The following TBC1D5 variants were observed in gnomAD, a reference collection of about 807,000 sequenced individuals.
TBC1D5 encodes the protein TBC1 domain family member 5.
A neutral mutation model predicts 100.3 loss-of-function variants in TBC1D5; 75 were observed. That is an observed-to-expected ratio of 0.75 (90% CI 0.62 to 0.91). The LOEUF (loss-of-function observed/expected upper bound fraction) is 0.91, where lower values mean the gene tolerates loss of function less well. Ranked by LOEUF, TBC1D5 falls within the 40% of genes least tolerant of loss-of-function variation. The pLI, the probability that TBC1D5 is intolerant of heterozygous loss-of-function variation, is 0.00. For synonymous variants in TBC1D5, 323 were observed against 325.6 expected (o/e 0.99, Z 0.09); for missense variants, 910 against 942.4 (o/e 0.97, Z 0.45).
chr3:17,467,662 G>T (rs1282634848), intron 3 of TBC1D5, among the ~76,000 whole-genome samples: 4 of 151,950 alleles, frequency 2.6e-5, no homozygotes, highest in African/African-American at 9.7e-5. Context: ...ATCACATGAG[G>T]CCAGGAGTTT....
chr3:17,721,084 G>T lies in TBC1D5; in HGVS notation c.-101+18259C>A, dbSNP rs547519693. Among the ~76,000 whole-genome samples, 4 of 151,622 alleles carry T rather than the reference G, an allele frequency of 2.6e-5. No individual in the cohort carries two copies. The East Asian group carries it at 5.8e-4, about 22-fold the overall frequency. ...TTGAATTCCTGACCTCAACTGATCC[G>T]CCTGCCTCAGCCTCCCAAAGTGCTG... On this transcript the variant is annotated intron_variant, in intron 1 of 21. Coordinates refer to ENST00000253692, the Ensembl canonical transcript of TBC1D5.
intron 15 of TBC1D5, among the ~76,000 whole-genome samples, chr3:17,284,409 G>T (rs147270789): frequency 6.6e-6 from 1 of 152,054 alleles, no homozygotes; most frequent in African/African-American, 2.4e-5. Context: ...GAGCCACCAC[G>T]CCTGGCCATA....
chr3:17,593,397 G>A (rs996660238), intron 2 of TBC1D5, among the ~76,000 whole-genome samples: 4 of 152,120 alleles, frequency 2.6e-5, no homozygotes, highest in Non-Finnish European at 4.4e-5. Context: ...ACCTGGCTAC[G>A]GCCACTGCTG....
At chr3:17,590,353 G>A (rs1418764034) in intron 2 of TBC1D5, among the ~76,000 whole-genome samples, 1 of 152,168 alleles carries the variant, frequency 6.6e-6, no homozygotes, top group Non-Finnish European at 1.5e-5. Context: ...GTTAAAACAG[G>A]TTCTAGTGGT....
At chr3:17,460,102 A>G (rs1251136877) in intron 3 of TBC1D5, among the ~76,000 whole-genome samples, 1 of 152,222 alleles carries the variant, frequency 6.6e-6, no homozygotes, top group African/African-American at 2.4e-5. Flanking sequence ...AGGTACTTCA[A>G]GCCAATTCTG....
At chr3:17,372,345 A>G in intron 12 of TBC1D5, 98 bp from the exon 13 acceptor site, 1 of 1,135,616 alleles carries the variant, frequency 8.8e-7, no homozygotes, top group Non-Finnish European at 1.2e-6. Flanking sequence ...AAGAAGTCTT[A>G]TTATCTGCCT....
chr3:17,178,745 T>C (rs1269250309), intron 19 of TBC1D5, among the ~76,000 whole-genome samples: 1 of 152,086 alleles, frequency 6.6e-6, no homozygotes, highest in Non-Finnish European at 1.5e-5. Flanking sequence ...GCACAAGTGA[T>C]CCTCCCAGCT....
intron 2 of TBC1D5, among the ~76,000 whole-genome samples, chr3:17,557,143 CTATT>C (rs144358374): frequency 0.011 from 1,651 of 152,268 alleles, 13 homozygotes; most frequent in Non-Finnish European, 0.019. Context: ...TCAATTCTGA[CTATT>C]TGTTGGTAAA....
chr3:17,563,821 T>G (rs190280299), intron 2 of TBC1D5, among the ~76,000 whole-genome samples: 2 of 152,320 alleles, frequency 1.3e-5, no homozygotes, highest in Non-Finnish European at 2.9e-5. Flanking sequence ...CTCCCTCTGT[T>G]GCCCAGGCTG....
At chr3:17,195,061 T>C (rs2070467543) in intron 18 of TBC1D5, among the ~76,000 whole-genome samples, 1 of 152,246 alleles carries the variant, frequency 6.6e-6, no homozygotes, top group Admixed American at 6.5e-5. Flanking sequence ...GCAAAAGTCC[T>C]ATAACTGCAG....
chr3:17,273,192 C>T (rs2079606012), intron 15 of TBC1D5, among the ~76,000 whole-genome samples: 1 of 152,112 alleles, frequency 6.6e-6, no homozygotes, highest in African/African-American at 2.4e-5. Context: ...CTAGAATTAT[C>T]TACCCTCAGG....
intron 13 of TBC1D5, among the ~76,000 whole-genome samples, chr3:17,345,157 T>C (rs1163535558): frequency 5.9e-5 from 9 of 151,650 alleles, no homozygotes; most frequent in Non-Finnish European, 7.4e-5. Context: ...AGAAAATTTT[T>C]GCAACCTACT....
intron 2 of TBC1D5, among the ~76,000 whole-genome samples, chr3:17,522,314 T>G (rs1264913429): frequency 6.6e-6 from 1 of 152,002 alleles, no homozygotes; most frequent in Non-Finnish European, 1.5e-5. Context: ...AGGTTGCCCA[T>G]GTAAGAAAAC....
At chr3:17,721,096 C>T (rs1489472807) in intron 1 of TBC1D5, among the ~76,000 whole-genome samples, 1 of 151,998 alleles carries the variant, frequency 6.6e-6, no homozygotes, top group African/African-American at 2.4e-5. Context: ...CTGCCTCAGC[C>T]TCCCAAAGTG....
At chr3:17,641,300 A>C (rs2064474943) in intron 1 of TBC1D5, among the ~76,000 whole-genome samples, 1 of 152,038 alleles carries the variant, frequency 6.6e-6, no homozygotes, top group East Asian at 1.9e-4. Context: ...CACAAACTAC[A>C]TTCTGTACAT....
intron 2 of TBC1D5, among the ~76,000 whole-genome samples, chr3:17,515,625 G>A (rs1576459714): frequency 1.3e-5 from 2 of 152,114 alleles, no homozygotes; most frequent in African/African-American, 4.8e-5. Context: ...CAAAAATTAA[G>A]CCAAGAATTA....
intron 1 of TBC1D5, among the ~76,000 whole-genome samples, chr3:17,690,200 C>T (rs1400286323): frequency 1.2e-5 from 1 of 83,658 alleles, no homozygotes; most frequent in Non-Finnish European, 2.3e-5. Flanking sequence ...ATAAAAATAG[C>T]CATATTTTTT....
At chr3:17,527,931 T>C (rs1163078703) in intron 2 of TBC1D5, among the ~76,000 whole-genome samples, 2 of 152,200 alleles carry the variant, frequency 1.3e-5, no homozygotes, top group Non-Finnish European at 2.9e-5. Flanking sequence ...CCAAACCTTA[T>C]ATTCTGTTTT....
intron 16 of TBC1D5, among the ~76,000 whole-genome samples, chr3:17,248,544 G>A (rs2076932629): frequency 6.6e-6 from 1 of 152,134 alleles, no homozygotes; most frequent in Non-Finnish European, 1.5e-5. Context: ...TAAGGCCTGT[G>A]AGTCAAAATT....
Sources: allele counts gnomAD v4.1 joint callset (sites outside exome capture counted in the v4.1 genomes callset), GRCh38; gene constraint gnomAD v4.1.1; transcripts MANE v1.5; gene names NCBI Gene and HGNC (gene_info 2026-07-23, HGNC 2026-07-21).